The following CACNA2D2 variants were observed in gnomAD, a reference collection of about 807,000 sequenced individuals.
CACNA2D2 encodes calcium voltage-gated channel auxiliary subunit alpha2delta 2, also known as voltage-dependent calcium channel subunit alpha-2/delta-2.
Under a neutral mutation model 166.4 loss-of-function variants are expected in CACNA2D2, and 48 were observed. That is an observed-to-expected ratio of 0.29 (90% CI 0.23 to 0.37). CACNA2D2 has a LOEUF of 0.37. Ranked by LOEUF, CACNA2D2 falls within the 10% of genes least tolerant of loss-of-function variation. CACNA2D2 has a pLI of 1.00. For synonymous variants in CACNA2D2, 561 were observed against 573.7 expected (o/e 0.98, Z 0.32); for missense variants, 1,122 against 1,433.0 (o/e 0.78, Z 3.50).
intron 2 of CACNA2D2, among the ~76,000 whole-genome samples, chr3:50,465,778 G>C (rs1044734665): frequency 3.9e-5 from 6 of 152,140 alleles, no homozygotes; most frequent in African/African-American, 1.4e-4. Flanking sequence ...AAGCATCTAG[G>C]GGTTGTAAGT....
rs78922548 is a variant in CACNA2D2 at position 50,471,646 on chromosome 3, G to A, written c.288+4472C>T. 5.8e-4 allele frequency among the ~76,000 whole-genome samples: 89 copies of A among 152,294 alleles called. 1 individual carries two copies. In the East Asian group the frequency reaches 0.012, roughly 21 times the overall value. On this transcript the variant is annotated intron_variant, in intron 2 of 37. Coordinates refer to ENST00000424201, the MANE Select transcript of CACNA2D2 (RefSeq NM_006030.4). ...ATGTGTTTCAGATGTTGGTGGTGCCGGCTGAGGTGGAGGGTGGAAGGGGAC... is the reference window on the plus strand; with the variant it reads ...ATGTGTTTCAGATGTTGGTGGTGCCAGCTGAGGTGGAGGGTGGAAGGGGAC...
chr3:50,480,252 C>A (rs549539682), intron 1 of CACNA2D2, among the ~76,000 whole-genome samples: 2 of 152,302 alleles, frequency 1.3e-5, no homozygotes, highest in African/African-American at 4.8e-5. Context: ...GGCACTTCTG[C>A]CGCTGTGTGA....
At chr3:50,391,883 A>G (rs944927942) in intron 4 of CACNA2D2, among the ~76,000 whole-genome samples, 2 of 152,192 alleles carry the variant, frequency 1.3e-5, no homozygotes, top group African/African-American at 4.8e-5. Flanking sequence ...TCTCAGAGGT[A>G]AGAAGACTGC....
At chr3:50,407,928 T>G (rs1447602679) in intron 3 of CACNA2D2, among the ~76,000 whole-genome samples, 2 of 152,182 alleles carry the variant, frequency 1.3e-5, no homozygotes, top group Non-Finnish European at 2.9e-5. Context: ...GGGAGCTGAT[T>G]TAGGCCTTCG....
At chr3:50,409,525 GT>G (rs1388015127) in intron 3 of CACNA2D2, among the ~76,000 whole-genome samples, 2 of 152,280 alleles carry the variant, frequency 1.3e-5, no homozygotes, top group Admixed American at 6.5e-5. Flanking sequence ...ACACGGAGCT[GT>G]CATCGTGGGC....
intron 3 of CACNA2D2, among the ~76,000 whole-genome samples, chr3:50,432,326 G>A (rs1200106136): frequency 6.6e-6 from 1 of 152,244 alleles, no homozygotes; most frequent in East Asian, 1.9e-4. Context: ...CCACCACTCA[G>A]CACCCCTGCT....
chr3:50,396,922 T>G (rs1274310766), intron 3 of CACNA2D2, among the ~76,000 whole-genome samples: 3 of 152,170 alleles, frequency 2.0e-5, no homozygotes, highest in African/African-American at 7.2e-5. Context: ...TCGATGGGGC[T>G]GCAGACGCCA....
Position 50,498,808 on chromosome 3 carries a change from C to T in CACNA2D2, c.206+4410G>A, listed in dbSNP as rs922615663. 3.3e-5 allele frequency among the ~76,000 whole-genome samples: 5 copies of T among 152,248 alleles called. No individual in the cohort carries two copies. In the East Asian group the frequency reaches 9.6e-4, roughly 29 times the overall value. ...CCCAGAGATTCAGGCTTCAAGCCCC[C>T]CTCCACTTCCTGGGCCCACTGCCCA... On this transcript the variant is annotated intron_variant, in intron 1 of 37. Coordinates refer to ENST00000424201, the MANE Select transcript of CACNA2D2 (RefSeq NM_006030.4).
intron 3 of CACNA2D2, among the ~76,000 whole-genome samples, chr3:50,423,987 A>C (rs1707691025): frequency 6.6e-6 from 1 of 152,242 alleles, no homozygotes; most frequent in African/African-American, 2.4e-5. Context: ...CAATACCCCC[A>C]GAAGCATCCC....
At chr3:50,470,857 T>G (rs948924440) in intron 2 of CACNA2D2, among the ~76,000 whole-genome samples, 1 of 152,012 alleles carries the variant, frequency 6.6e-6, no homozygotes, top group Non-Finnish European at 1.5e-5. Context: ...CCAATTATGC[T>G]CGAGCAGCGG....
chr3:50,390,180 G>C (rs1575616665), intron 4 of CACNA2D2, among the ~76,000 whole-genome samples: 1 of 152,140 alleles, frequency 6.6e-6, no homozygotes, highest in East Asian at 1.9e-4. Context: ...TTCTGACCTG[G>C]ACACGTGAGC....
rs926187821 is a variant in CACNA2D2 at position 50,461,764 on chromosome 3, GAAA to G, written c.288+14351_288+14353del. Among the ~76,000 whole-genome samples, 7 of 103,716 alleles carry G rather than the reference GAAA, an allele frequency of 6.7e-5. No individual in the cohort carries two copies. The Admixed American group carries it at 1.0e-3, about 15-fold the overall frequency. The allele number at this position is 103,716 out of a possible 152,430, so 68.0% of individuals were successfully genotyped here. A position where few individuals can be genotyped will look rare whatever the true frequency, so the allele number is the denominator to read the frequency against. ...GAGTCTCAAAAAAAAAAAAAAAAAA[GAAA>G]AAAAGAAAGAAAGGAAGGAAGGAAG... On this transcript the variant is annotated intron_variant, in intron 2 of 37. Transcript: ENST00000424201.
At chr3:50,386,051 A>C (rs1261636621) in intron 5 of CACNA2D2, among the ~76,000 whole-genome samples, 1 of 152,182 alleles carries the variant, frequency 6.6e-6, no homozygotes, top group Non-Finnish European at 1.5e-5. Flanking sequence ...AAGATTAAAA[A>C]AACAAAACAA....
At chr3:50,410,458 C>G (rs1262451979) in intron 3 of CACNA2D2, among the ~76,000 whole-genome samples, 1 of 150,734 alleles carries the variant, frequency 6.6e-6, no homozygotes, top group Non-Finnish European at 1.5e-5. Flanking sequence ...CCCGAACCCA[C>G]AGAGCTGGGT....
rs1019356283 is a variant in CACNA2D2, at chr3:50,476,130, C to T, written c.276G>A (p.Gln92=). The T allele has an allele frequency of 2.5e-6, 4 of 1,601,342 alleles. No individual in the cohort carries two copies. Among genetic ancestry groups the T allele is most frequent in the Non-Finnish European group, 3.4e-6 (4 of 1,174,404 alleles). The change falls in exon 2 of 38, where the codon CAG becomes CAA. Residue 92 remains glutamine (Q), a synonymous_variant. Coordinates refer to ENST00000424201, the MANE Select transcript of CACNA2D2 (RefSeq NM_006030.4). ...DGVMRIFGGV[Q]QLREIYKDNR... ...GCACCGGGCTCACCTCACGGAGCTG[C>T]TGGACGCCTCCAAAAATCCGCATCA...
Position 50,366,764 on chromosome 3 carries a change from G to A in CACNA2D2, c.2589+67C>T. 6.4e-7 allele frequency: 1 copy of A among 1,560,844 alleles called. No homozygotes were observed. The highest frequency in any genetic ancestry group is 8.8e-7 in the Non-Finnish European group (1 of 1,137,322). ...TGTTGGAGCCACTGAGTGGAGGGTTGGTGGGGGTTCCAGGGGACTCCAGGA... is the reference window on the plus strand; with the variant it reads ...TGTTGGAGCCACTGAGTGGAGGGTTAGTGGGGGTTCCAGGGGACTCCAGGA... On this transcript the variant is annotated intron_variant, in intron 29 of 37. Coordinates refer to ENST00000424201, the MANE Select transcript of CACNA2D2 (RefSeq NM_006030.4). This position sits in a 1 kb window ranked among gnomAD's most constrained non-coding sequence, Gnocchi z 5.9.
At chr3:50,496,869 G>T (rs1346279041) in intron 1 of CACNA2D2, among the ~76,000 whole-genome samples, 1 of 152,224 alleles carries the variant, frequency 6.6e-6, no homozygotes, top group Non-Finnish European at 1.5e-5. Flanking sequence ...AGGCATCAAA[G>T]GGGAAGAAAG....
intron 3 of CACNA2D2, among the ~76,000 whole-genome samples, chr3:50,418,798 G>A (rs1465163172): frequency 6.6e-6 from 1 of 152,260 alleles, no homozygotes; most frequent in African/African-American, 2.4e-5. Context: ...AGAGGCATGG[G>A]CCTTGAGGGG....
chr3:50,499,453 G>GT (rs1698864141), intron 1 of CACNA2D2, among the ~76,000 whole-genome samples: 1 of 152,204 alleles, frequency 6.6e-6, no homozygotes, highest in African/African-American at 2.4e-5. Context: ...ATCCTCTCCC[G>GT]TTAATTCTCA....
Sources: gnomAD v4.1 joint callset for allele counts (sites outside exome capture counted in the v4.1 genomes callset) on GRCh38, gnomAD v4.1.1 for gene constraint, Gnocchi (gnomAD v3.1) non-coding constraint, MANE v1.5 for transcripts, NCBI Gene and HGNC (gene_info 2026-07-23, HGNC 2026-07-21) for gene names.